HDAC1: variants seen among roughly 807,000 people sequenced by gnomAD.
HDAC1 encodes protein deacetylase HDAC1.
A neutral mutation model predicts 65.5 loss-of-function variants in HDAC1; 18 were observed. That is an observed-to-expected ratio of 0.27 (90% CI 0.19 to 0.41). The LOEUF is 0.41. Among genes scored for constraint, HDAC1 ranks in the 10% least tolerant of loss-of-function variants. The probability of loss-of-function intolerance (pLI) is 1.00; values close to 1 mark genes in which losing one functional copy is unlikely to be tolerated. For missense variants in HDAC1, 373 were observed against 625.2 expected (o/e 0.60, Z 4.30); for synonymous variants, 211 against 227.9 (o/e 0.93, Z 0.67).
Position 32,331,326 on chromosome 1 carries a change from C to T in HDAC1, c.980-148C>T. Reference sequence around the variant, plus strand: ...TAAAAAGATGGAAATCCCATAGGTACCCGTGTCTCACAGTGTCTTGGAGGC... The same window carrying T: ...TAAAAAGATGGAAATCCCATAGGTATCCGTGTCTCACAGTGTCTTGGAGGC... On this transcript the variant is annotated intron_variant, in intron 9 of 13. Transcript: ENST00000373548. This position sits in a 1 kb window ranked among gnomAD's most constrained non-coding sequence, Gnocchi z 4.2. 1 of 630,100 alleles carries T rather than the reference C, an allele frequency of 1.6e-6. No homozygotes were observed. The highest frequency in any genetic ancestry group is 2.9e-6 in the Non-Finnish European group (1 of 345,730). The allele number at this position is 630,100 out of a possible 1,614,324, so 39.0% of individuals were successfully genotyped here.
chr1:32,324,649 T>C (rs1641192556), intron 4 of HDAC1, 96 bp downstream of exon 4: 1 of 835,748 alleles, frequency 1.2e-6, no homozygotes, highest in Non-Finnish European at 2.1e-6. Flanking sequence ...TCTGAAACCA[T>C]GTAGAATGGT....
Position 32,301,620 on chromosome 1 carries a change from A to G in HDAC1, c.50-1001A>G, listed in dbSNP as rs903579838. The stretch of plus-strand genomic sequence containing the variant: ...CCCCTTCTCTACTAAAAATACAAAA[A>G]TTAGCCAGGCATGGTAGCACATGCC... On this transcript the variant is annotated intron_variant, in intron 1 of 13. Coordinates refer to ENST00000373548, the MANE Select transcript of HDAC1 (RefSeq NM_004964.3). 5.1e-4 allele frequency among the ~76,000 whole-genome samples: 77 copies of G among 151,706 alleles called. 1 individual carries two copies. Among genetic ancestry groups the G allele is most frequent in the African/African-American group, 1.6e-3 (68 of 41,340 alleles).
At chr1:32,295,727 A>G (rs1640759935) in intron 1 of HDAC1, among the ~76,000 whole-genome samples, 1 of 152,214 alleles carries the variant, frequency 6.6e-6, no homozygotes, top group South Asian at 2.1e-4. Context: ...TGGGGGACAC[A>G]TTCAGACCAT....
intron 2 of HDAC1, among the ~76,000 whole-genome samples, chr1:32,303,449 C>A (rs1460426891): frequency 2.8e-4 from 43 of 151,626 alleles, no homozygotes; most frequent in Admixed American, 2.8e-3. Context: ...CAGAGTGAGA[C>A]CCTGTCTCAA....
Position 32,332,746 on chromosome 1 carries a change from A to G in HDAC1, c.1418A>G (p.Lys473Arg), listed in dbSNP as rs1239137634. The part of the protein sequence containing the change: ...EKTKEEKPEA[K>R]GVKEEVKLA ...ACCAAGGAGGAGAAGCCAGAAGCCAAAGGGTGAGGAAGGAGCTGCCTGTGG... is the reference window on the plus strand; with the variant it reads ...ACCAAGGAGGAGAAGCCAGAAGCCAGAGGGTGAGGAAGGAGCTGCCTGTGG... Residue 473 changes from lysine to arginine, a missense_variant, in exon 13 of 14, where the codon AAA becomes AGA. Lys to Arg is a conservative substitution (Grantham distance 26, BLOSUM62 2). Around this residue, in one of 4 missense-constraint regions of HDAC1, gnomAD observed 126 missense variants for 126.2 expected, o/e 1.00. Coordinates refer to ENST00000373548, the MANE Select transcript of HDAC1 (RefSeq NM_004964.3). 2 of 1,553,950 alleles carry G rather than the reference A, an allele frequency of 1.3e-6. No homozygotes were observed. Among genetic ancestry groups the G allele is most frequent in the Non-Finnish European group, 1.7e-6 (2 of 1,148,012 alleles).
At chr1:32,292,530 A>G in intron 1 of HDAC1, 3 of 685,282 alleles carry the variant, frequency 4.4e-6, no homozygotes, top group Non-Finnish European at 1.8e-6. Context: ...GGGAGGCTGA[A>G]TCTGATGGAG....
chr1:32,303,316 G>C (rs1285676493), intron 2 of HDAC1, among the ~76,000 whole-genome samples: 1 of 152,000 alleles, frequency 6.6e-6, no homozygotes, highest in Non-Finnish European at 1.5e-5. Context: ...AATTAGCCAG[G>C]CATGGTGGCA....
At chr1:32,298,940 G>A (rs1640808819) in intron 1 of HDAC1, among the ~76,000 whole-genome samples, 1 of 152,186 alleles carries the variant, frequency 6.6e-6, no homozygotes, top group South Asian at 2.1e-4. Flanking sequence ...AGAGGTTGCA[G>A]TGAGCCTGAG....
chr1:32,323,479 C>A (rs545980526), intron 3 of HDAC1, among the ~76,000 whole-genome samples: 1 of 152,162 alleles, frequency 6.6e-6, no homozygotes, highest in African/African-American at 2.4e-5. Context: ...CTCACTGCAA[C>A]CTCTGCCTCC....
rs868622361 is a variant in HDAC1, at chr1:32,305,624, T to C, written c.162+2891T>C. ...TGGTTGTCTTTTTTTTTTTTTTTTT[T>C]CCCTGAGACAATGTCTCACTCTGGC... On this transcript the variant is annotated intron_variant, in intron 2 of 13. Coordinates refer to ENST00000373548, the MANE Select transcript of HDAC1 (RefSeq NM_004964.3). Among the ~76,000 whole-genome samples the C allele has an allele frequency of 6.3e-3, 950 of 150,342 alleles. 6 individuals carry two copies. The highest frequency in any genetic ancestry group is 0.022 in the African/African-American group (895 of 40,506).
At chr1:32,304,571 A>AT (rs980699205) in intron 2 of HDAC1, among the ~76,000 whole-genome samples, 2 of 148,298 alleles carry the variant, frequency 1.3e-5, no homozygotes, top group African/African-American at 5.0e-5. Flanking sequence ...GCTTTATTTT[A>AT]TTTTTTTCTT....
At chr1:32,300,683 C>T (rs1640835878) in intron 1 of HDAC1, among the ~76,000 whole-genome samples, 1 of 152,150 alleles carries the variant, frequency 6.6e-6, no homozygotes, top group South Asian at 2.1e-4. Flanking sequence ...GTAGTATGAG[C>T]ATCATCAAAG....
At chr1:32,328,398 G>A (rs1216679679) in intron 6 of HDAC1, among the ~76,000 whole-genome samples, 4 of 151,164 alleles carry the variant, frequency 2.6e-5, no homozygotes, top group African/African-American at 7.3e-5. Context: ...TGCAGCCTCC[G>A]CCTCCCGCCT....
At chr1:32,320,169 G>A (rs1371740181) in intron 3 of HDAC1, among the ~76,000 whole-genome samples, 12 of 151,052 alleles carry the variant, frequency 7.9e-5, no homozygotes, top group African/African-American at 2.7e-4. Flanking sequence ...GCAGTGAGCC[G>A]AGATCACGCC....
Position 32,299,345 on chromosome 1 carries a change from G to A in HDAC1, c.50-3276G>A, listed in dbSNP as rs76877244. ...CATCTGTAATCCCAGCACTTTAGAA[G>A]GCTGATCAGGAGTTTGAAACCAGCC... On this transcript the variant is annotated intron_variant, in intron 1 of 13. Coordinates refer to ENST00000373548, the MANE Select transcript of HDAC1 (RefSeq NM_004964.3). Among the ~76,000 whole-genome samples the A allele has an allele frequency of 7.0e-3, 1,070 of 152,136 alleles. 12 individuals carry two copies. Among genetic ancestry groups the A allele is most frequent in the African/African-American group, 0.025 (1,035 of 41,518 alleles).
At chr1:32,316,643 C>T in intron 2 of HDAC1, 22 bp from the exon 3 acceptor site, 2 of 1,456,714 alleles carry the variant, frequency 1.4e-6, no homozygotes, top group Non-Finnish European at 9.6e-7. Context: ...ATAACTTGCC[C>T]TTTCTCCCTT....
chr1:32,298,088 CT>C (rs1162166409), intron 1 of HDAC1, among the ~76,000 whole-genome samples: 205 of 113,624 alleles, frequency 1.8e-3, no homozygotes, highest in Non-Finnish European at 2.4e-3. Flanking sequence ...CGCGCCCGGC[CT>C]TTTTTTTTTT....
intron 2 of HDAC1, among the ~76,000 whole-genome samples, chr1:32,305,008 G>A (rs144623611): frequency 6.6e-6 from 1 of 152,234 alleles, no homozygotes; most frequent in Non-Finnish European, 1.5e-5. Context: ...CACCATGCCT[G>A]TATTCTTTTT....
At chr1:32,320,640 C>T (rs1396548804) in intron 3 of HDAC1, among the ~76,000 whole-genome samples, 1 of 151,942 alleles carries the variant, frequency 6.6e-6, no homozygotes, top group Non-Finnish European at 1.5e-5. Flanking sequence ...TAGCTCATGC[C>T]TGTAATCCCA....
Sources: allele counts gnomAD v4.1 joint callset (sites outside exome capture counted in the v4.1 genomes callset), GRCh38; gene constraint gnomAD v4.1.1; regional missense constraint gnomAD v4.1.1; non-coding constraint Gnocchi (gnomAD v3.1); transcripts MANE v1.5; gene names NCBI Gene and HGNC (gene_info 2026-07-23, HGNC 2026-07-21).